Variants in LRMDA observed in about 807,000 individuals in gnomAD.
LRMDA encodes leucine rich melanocyte differentiation associated.
In LRMDA, 18 loss-of-function variants were observed where a neutral mutation model predicts 29.8. The ratio of observed to expected loss-of-function variants is 0.60; its 90% CI spans 0.42 to 0.90. LRMDA has a LOEUF of 0.90. Ranked by LOEUF, LRMDA falls within the 40% of genes least tolerant of loss-of-function variation. The probability of loss-of-function intolerance (pLI) is 0.00; values close to 1 mark genes in which losing one functional copy is unlikely to be tolerated. For missense variants in LRMDA, 273 were observed against 273.9 expected (o/e 1.00, Z 0.02); for synonymous variants, 125 against 109.4 (o/e 1.14, Z -0.89).
chr10:75,799,937 T>A (rs1188231567), intron 2 of LRMDA, among the ~76,000 whole-genome samples: 1 of 152,242 alleles, frequency 6.6e-6, no homozygotes, highest in African/African-American at 2.4e-5. Flanking sequence ...TCACTTGATA[T>A]GTTTGCACAT....
chr10:75,846,291 A>G (rs1844636871), intron 2 of LRMDA, among the ~76,000 whole-genome samples: 1 of 152,042 alleles, frequency 6.6e-6, no homozygotes, highest in South Asian at 2.1e-4. Context: ...CATACCAACC[A>G]TTCAAAATAA....
At chr10:76,425,644 G>A (rs1045199405) in intron 6 of LRMDA, among the ~76,000 whole-genome samples, 2 of 151,292 alleles carry the variant, frequency 1.3e-5, no homozygotes, top group East Asian at 1.9e-4. Flanking sequence ...GGGTACATGT[G>A]CACAATGTTC....
intron 6 of LRMDA, among the ~76,000 whole-genome samples, chr10:76,472,435 G>C (rs1217613913): frequency 6.6e-6 from 1 of 151,796 alleles, no homozygotes; most frequent in East Asian, 1.9e-4. Flanking sequence ...ATTTGTGGTT[G>C]TAAATGCTAC....
At chr10:76,032,642 T>C (rs1375974732) in intron 2 of LRMDA, among the ~76,000 whole-genome samples, 1 of 152,102 alleles carries the variant, frequency 6.6e-6, no homozygotes, top group African/African-American at 2.4e-5. Context: ...GGATGGTACC[T>C]GTGTGTGAGA....
intron 2 of LRMDA, among the ~76,000 whole-genome samples, chr10:75,530,588 G>A (rs921442870): frequency 4.6e-5 from 7 of 152,174 alleles, no homozygotes; most frequent in African/African-American, 1.7e-4. Context: ...CAAGTGGTGT[G>A]TATTTAACTT....
chr10:75,760,340 C>T (rs1589190789), intron 2 of LRMDA, among the ~76,000 whole-genome samples: 2 of 152,294 alleles, frequency 1.3e-5, no homozygotes, highest in East Asian at 3.9e-4. Flanking sequence ...TTTACCCTTC[C>T]TAAGTCAGGT....
At chr10:76,548,764 C>T (rs969503659) in intron 6 of LRMDA, among the ~76,000 whole-genome samples, 1 of 152,176 alleles carries the variant, frequency 6.6e-6, no homozygotes, top group African/African-American at 2.4e-5. Flanking sequence ...AATTAAAAGG[C>T]ATTGACATCT....
chr10:76,266,996 AGTGC>A (rs1840013712), intron 5 of LRMDA, among the ~76,000 whole-genome samples: 2 of 152,080 alleles, frequency 1.3e-5, no homozygotes, highest in South Asian at 4.2e-4. Context: ...CATTATCAAG[AGTGC>A]TGATAAATTC....
chr10:75,810,609 A>G (rs571075650), intron 2 of LRMDA, among the ~76,000 whole-genome samples: 29 of 152,298 alleles, frequency 1.9e-4, no homozygotes, highest in Non-Finnish European at 3.4e-4. Context: ...GTTCTGATAG[A>G]TGGGTGGTTG....
chr10:75,580,538 A>G (rs1260711832), intron 2 of LRMDA, among the ~76,000 whole-genome samples: 2 of 152,194 alleles, frequency 1.3e-5, no homozygotes, highest in Non-Finnish European at 2.9e-5. Context: ...AGCCACCATT[A>G]ACTTTCTTCA....
chr10:76,348,829 T>A (rs924173894), intron 6 of LRMDA, among the ~76,000 whole-genome samples: 3 of 152,216 alleles, frequency 2.0e-5, no homozygotes, highest in African/African-American at 7.2e-5. Context: ...GACAAATAAA[T>A]GCAGCAAACT....
chr10:76,473,780 C>T (rs955088011), intron 6 of LRMDA, among the ~76,000 whole-genome samples: 4 of 151,230 alleles, frequency 2.6e-5, no homozygotes, highest in African/African-American at 9.7e-5. Context: ...GAAATAAACC[C>T]AACAAAAGAA....
At chr10:75,824,928 C>T (rs1265378126) in intron 2 of LRMDA, among the ~76,000 whole-genome samples, 1 of 152,124 alleles carries the variant, frequency 6.6e-6, no homozygotes, top group African/African-American at 2.4e-5. Context: ...CAATGAGCAG[C>T]CATAGTACAT....
At chr10:76,263,744 A>C (rs1307341054) in intron 5 of LRMDA, among the ~76,000 whole-genome samples, 1 of 152,240 alleles carries the variant, frequency 6.6e-6, no homozygotes, top group Non-Finnish European at 1.5e-5. Flanking sequence ...ACATGCATAA[A>C]TATTGAAACA....
intron 5 of LRMDA, among the ~76,000 whole-genome samples, chr10:76,244,311 C>T (rs775736348): frequency 5.9e-5 from 9 of 152,140 alleles, no homozygotes; most frequent in Admixed American, 1.3e-4. Context: ...CCCATCACCT[C>T]CTACCCATTT....
chr10:75,980,956 C>T (rs968677776), intron 2 of LRMDA, among the ~76,000 whole-genome samples: 3 of 152,152 alleles, frequency 2.0e-5, no homozygotes, highest in Admixed American at 1.3e-4. Flanking sequence ...AGAACTCTCC[C>T]CTAGCATGTT....
At chr10:75,948,104 G>T (rs1013585263) in intron 2 of LRMDA, among the ~76,000 whole-genome samples, 2 of 152,194 alleles carry the variant, frequency 1.3e-5, no homozygotes, top group African/African-American at 4.8e-5. Flanking sequence ...CTCCCCAGCA[G>T]TGTTTGCATA....
At chr10:76,151,620 C>T (rs1222472461) in intron 5 of LRMDA, among the ~76,000 whole-genome samples, 18 of 152,144 alleles carry the variant, frequency 1.2e-4, no homozygotes, top group Admixed American at 1.2e-3. Context: ...TTGGCCAGGG[C>T]CCTGTAAATT....
At chr10:76,346,027 G>A (rs10824408) in intron 6 of LRMDA, among the ~76,000 whole-genome samples, 45,534 of 152,032 alleles carry the variant, frequency 0.3, 8,794 homozygotes, top group Non-Finnish European at 0.43. Context: ...GATTTGTATG[G>A]TGTTGGCAGA....
Sources: gnomAD v4.1 joint callset for allele counts (sites outside exome capture counted in the v4.1 genomes callset) on GRCh38, gnomAD v4.1.1 for gene constraint, MANE v1.5 for transcripts, NCBI Gene and HGNC (gene_info 2026-07-23, HGNC 2026-07-21) for gene names.